Variants in CHD6 observed in about 807,000 individuals in gnomAD.
The protein encoded by CHD6 is chromodomain helicase DNA binding protein 6, also known as ATP-dependent chromatin remodeler CHD6.
In CHD6, 50 loss-of-function variants were observed where a neutral mutation model predicts 276.9. That is an observed-to-expected ratio of 0.18 (90% CI 0.14 to 0.23). The LOEUF (loss-of-function observed/expected upper bound fraction) is 0.23. Among genes scored for constraint, CHD6 ranks in the 10% least tolerant of loss-of-function variants. CHD6 has a pLI of 1.00. For missense variants in CHD6, 2,564 were observed against 3,365.8 expected (o/e 0.76, Z 5.89); for synonymous variants, 1,173 against 1,229.3 (o/e 0.95, Z 0.96).
chr20:41,424,713 A>C (rs2047306618), intron 29 of CHD6, among the ~76,000 whole-genome samples: 1 of 152,214 alleles, frequency 6.6e-6, no homozygotes, highest in Non-Finnish European at 1.5e-5. Context: ...CTTAATTCTC[A>C]GATGGGCAAG....
rs562787461 is a variant in CHD6 at position 41,611,515 on chromosome 20, C to G, written c.-24+6825G>C. 9.9e-5 allele frequency among the ~76,000 whole-genome samples: 15 copies of G among 152,282 alleles called. No homozygotes were observed. In the East Asian group the frequency reaches 2.9e-3, roughly 29 times the overall value. On this transcript the variant is annotated intron_variant, in intron 1 of 36. Transcript: ENST00000373233. ...ACAGTGCTGATCTAGAACAATGTTT[C>G]TCAAATTTTGATGTGCACAAAATCA...
chr20:41,556,054 A>C (rs2045230343), intron 1 of CHD6, among the ~76,000 whole-genome samples: 1 of 152,238 alleles, frequency 6.6e-6, no homozygotes, highest in South Asian at 2.1e-4. Context: ...GCTGGAGACC[A>C]GCCCGGCCAA....
At chr20:41,592,805 C>T (rs2045677569) in intron 1 of CHD6, among the ~76,000 whole-genome samples, 1 of 152,164 alleles carries the variant, frequency 6.6e-6, no homozygotes, top group African/African-American at 2.4e-5. Flanking sequence ...CCCTGTTTTA[C>T]ATTAGGCTGG....
At chr20:41,462,638 A>T (rs958405949) in intron 17 of CHD6, among the ~76,000 whole-genome samples, 6 of 152,226 alleles carry the variant, frequency 3.9e-5, no homozygotes, top group Non-Finnish European at 7.3e-5. Flanking sequence ...TGCTAGAATG[A>T]ATTGGAGGTA....
intron 4 of CHD6, among the ~76,000 whole-genome samples, chr20:41,514,457 G>A (rs2044202002): frequency 1.3e-5 from 2 of 152,038 alleles, no homozygotes; most frequent in East Asian, 1.9e-4. Context: ...TCCCTGTACG[G>A]GCTGGCCTGG....
At chr20:41,425,418 A>T (rs752246089) in intron 28 of CHD6, 24 bp from the exon 29 acceptor site, 12 of 1,596,176 alleles carry the variant, frequency 7.5e-6, no homozygotes, top group Non-Finnish European at 9.4e-6. Context: ...TGAGGATATT[A>T]GTATTTACAA....
chr20:41,516,585 C>A (rs1263025010), intron 3 of CHD6, among the ~76,000 whole-genome samples: 1 of 152,038 alleles, frequency 6.6e-6, no homozygotes, highest in African/African-American at 2.4e-5. Flanking sequence ...AGATGTGAAC[C>A]CGAGTGGAGT....
intron 5 of CHD6, among the ~76,000 whole-genome samples, chr20:41,503,766 G>A (rs2043896254): frequency 6.6e-6 from 1 of 151,968 alleles, no homozygotes; most frequent in African/African-American, 2.4e-5. Flanking sequence ...TCTATCCCTA[G>A]CACTCCAATC....
chr20:41,520,329 C>T (rs1290683085), intron 3 of CHD6, among the ~76,000 whole-genome samples: 2 of 152,110 alleles, frequency 1.3e-5, no homozygotes, highest in East Asian at 3.8e-4. Context: ...GGGTATATAT[C>T]CAAAGGATTA....
At chr20:41,469,382 G>A (rs2043003160) in intron 17 of CHD6, among the ~76,000 whole-genome samples, 1 of 152,184 alleles carries the variant, frequency 6.6e-6, no homozygotes, top group Non-Finnish European at 1.5e-5. Context: ...ATAAGAAGCA[G>A]AAGTATCACA....
intron 16 of CHD6, among the ~76,000 whole-genome samples, chr20:41,480,834 T>A (rs1569123717): frequency 6.6e-6 from 1 of 152,186 alleles, no homozygotes; most frequent in African/African-American, 2.4e-5. Context: ...TATGGCTCTT[T>A]AAATTATGTG....
chr20:41,409,150 G>C (rs2046769157), intron 36 of CHD6, among the ~76,000 whole-genome samples: 1 of 152,238 alleles, frequency 6.6e-6, no homozygotes, highest in African/African-American at 2.4e-5. Context: ...ATTTGCAGCA[G>C]AGCAAGAGCG....
chr20:41,467,194 C>A (rs962119597), intron 17 of CHD6, among the ~76,000 whole-genome samples: 1 of 152,046 alleles, frequency 6.6e-6, no homozygotes, highest in African/African-American at 2.4e-5. Flanking sequence ...AGATGACTTA[C>A]CTGAAGGACA....
chr20:41,587,260 T>C (rs1216576150), intron 1 of CHD6, among the ~76,000 whole-genome samples: 1 of 152,256 alleles, frequency 6.6e-6, no homozygotes, highest in Non-Finnish European at 1.5e-5. Flanking sequence ...ACAACTCTAA[T>C]TAAGCATAGC....
intron 17 of CHD6, among the ~76,000 whole-genome samples, chr20:41,469,368 G>A (rs2043002799): frequency 6.6e-6 from 1 of 152,114 alleles, no homozygotes; most frequent in African/African-American, 2.4e-5. Flanking sequence ...AAGTCCCCCA[G>A]AGAATAAGAA....
chr20:41,545,282 G>T (rs1313788325), intron 2 of CHD6, among the ~76,000 whole-genome samples: 2 of 152,156 alleles, frequency 1.3e-5, no homozygotes, highest in Non-Finnish European at 2.9e-5. Flanking sequence ...TGCCATCTCA[G>T]TGACTTTATT....
chr20:41,610,527 C>T (rs1178533533), intron 1 of CHD6, among the ~76,000 whole-genome samples: 1 of 152,032 alleles, frequency 6.6e-6, no homozygotes, highest in African/African-American at 2.4e-5. Context: ...TTTGAGAGGC[C>T]GAGGCGGGCG....
chr20:41,507,927 G>C (rs1179574377), intron 5 of CHD6, among the ~76,000 whole-genome samples: 1 of 152,134 alleles, frequency 6.6e-6, no homozygotes, highest in African/African-American at 2.4e-5. Context: ...TATTTACCAA[G>C]TGCCATGGAA....
chr20:41,565,569 A>G (rs1047632625), intron 1 of CHD6, among the ~76,000 whole-genome samples: 1 of 152,204 alleles, frequency 6.6e-6, no homozygotes, highest in African/African-American at 2.4e-5. Flanking sequence ...GGCTCAGGCA[A>G]TGTAATCCTT....
Sources: allele counts gnomAD v4.1 joint callset (sites outside exome capture counted in the v4.1 genomes callset), GRCh38; gene constraint gnomAD v4.1.1; transcripts MANE v1.5; gene names NCBI Gene and HGNC (gene_info 2026-07-23, HGNC 2026-07-21).